The following MKX variants were observed in gnomAD, a reference collection of about 807,000 sequenced individuals.
MKX encodes mohawk homeobox, also known as homeobox protein Mohawk.
Under a neutral mutation model 36.0 loss-of-function variants are expected in MKX, and 13 were observed. The ratio of observed to expected loss-of-function variants is 0.36; its 90% CI spans 0.24 to 0.57. The LOEUF is 0.57. Among genes scored for constraint, MKX ranks in the 20% least tolerant of loss-of-function variants. The pLI is 0.79. For synonymous variants in MKX, 176 were observed against 178.3 expected (o/e 0.99, Z 0.10); for missense variants, 458 against 456.4 (o/e 1.00, Z -0.03).
chr10:27,698,091 G>A (rs1836586760), intron 5 of MKX, among the ~76,000 whole-genome samples: 1 of 152,166 alleles, frequency 6.6e-6, no homozygotes, highest in Admixed American at 6.5e-5. Flanking sequence ...GGAGAGGGAT[G>A]AGCTGTATGA....
At chr10:27,711,640 T>G (rs992841150) in intron 5 of MKX, among the ~76,000 whole-genome samples, 1 of 151,360 alleles carries the variant, frequency 6.6e-6, no homozygotes, top group East Asian at 1.9e-4. Context: ...CGCACAGTCA[T>G]AGCTTACTGC....
chr10:27,743,484 GC>G lies in MKX; in HGVS notation c.-70del, dbSNP rs1303366611. The G allele has an allele frequency of 7.0e-7, 1 of 1,424,422 alleles. No individual in the cohort carries two copies. Among genetic ancestry groups the G allele is most frequent in the African/African-American group, 1.5e-5 (1 of 65,612 alleles). 88.2% of individuals were successfully genotyped at this position (1,424,422 alleles called of 1,614,324 possible). The stretch of plus-strand genomic sequence containing the variant: ...GGGCTGGGCCGCCGGGAGCTCCGCA[GC>G]GGGGCTCGGCTTCTAGGAGAGGAAG... On this transcript the variant is annotated 5_prime_UTR_variant, in exon 2 of 7. Transcript: ENST00000419761.
In MKX at chr10:27,734,592, G is replaced by T. The variant is rs770122927; in HGVS notation, c.702C>A (p.Val234=). Residue 234 remains valine, a synonymous_variant, in exon 5 of 7, where the codon GTC becomes GTA. Transcript: ENST00000419761. ...CCATCATGGTAGTGTTCGTGGCCAT[G>T]ACATGTCTCAAAGAGTCATTAAGGT... ...NRYLNDSLRH[V]MATNTTMMGK... The T allele has an allele frequency of 8.7e-6, 14 of 1,614,054 alleles. No homozygotes were observed. The South Asian group carries it at 1.3e-4, about 15-fold the overall frequency.
chr10:27,725,615 C>T (rs1388118168), intron 5 of MKX, among the ~76,000 whole-genome samples: 2 of 151,170 alleles, frequency 1.3e-5, no homozygotes, highest in Non-Finnish European at 2.9e-5. Context: ...AGAAAAATAC[C>T]TTCTTAATTT....
chr10:27,722,148 T>TGACACACGACATAAGGCAAGCATTGCCA (rs1834393046), intron 5 of MKX, among the ~76,000 whole-genome samples: 2 of 152,196 alleles, frequency 1.3e-5, no homozygotes, highest in Admixed American at 1.3e-4. Context: ...CTCCTAAAAA[T>TGACACACGACATAAGGCAAGCATTGCCA]GACACACGAC....
intron 5 of MKX, among the ~76,000 whole-genome samples, chr10:27,679,092 C>T (rs1339914516): frequency 6.6e-6 from 1 of 151,794 alleles, no homozygotes; most frequent in African/African-American, 2.4e-5. Context: ...AGAAAAAAAT[C>T]ATCTTACATC....
At chr10:27,680,188 C>T (rs546042846) in intron 5 of MKX, among the ~76,000 whole-genome samples, 1 of 152,136 alleles carries the variant, frequency 6.6e-6, no homozygotes, top group Non-Finnish European at 1.5e-5. Context: ...TCGGCTATAT[C>T]TCTTACTCTG....
At chr10:27,689,938 T>C (rs1836423510) in intron 5 of MKX, among the ~76,000 whole-genome samples, 1 of 152,164 alleles carries the variant, frequency 6.6e-6, no homozygotes, top group South Asian at 2.1e-4. Context: ...ACCGGAAGCA[T>C]CTGATTATGT....
At chr10:27,727,724 C>T (rs1834522795) in intron 5 of MKX, among the ~76,000 whole-genome samples, 1 of 152,186 alleles carries the variant, frequency 6.6e-6, no homozygotes, top group Non-Finnish European at 1.5e-5. Context: ...GTCAGGAAGA[C>T]AAGGCTCTTT....
At chr10:27,708,590 G>C (rs914559969) in intron 5 of MKX, among the ~76,000 whole-genome samples, 1 of 152,046 alleles carries the variant, frequency 6.6e-6, no homozygotes, top group Non-Finnish European at 1.5e-5. Flanking sequence ...TTAGCTGAGC[G>C]TGGTGGCGTG....
chr10:27,734,323 T>C, intron 5 of MKX, 133 bp downstream of exon 5: 3 of 806,778 alleles, frequency 3.7e-6, no homozygotes, highest in Non-Finnish European at 5.6e-6. Flanking sequence ...AAACGAAAGC[T>C]TTAAAACTGA....
chr10:27,712,843 G>T (rs72629776), intron 5 of MKX, among the ~76,000 whole-genome samples: 11,078 of 152,140 alleles, frequency 0.073, 986 homozygotes, highest in East Asian at 0.2. Context: ...AAGCTGAGGT[G>T]GGGGGACGGC....
chr10:27,743,794 T>C (rs1006289422), intron 1 of MKX, among the ~76,000 whole-genome samples: 1 of 151,828 alleles, frequency 6.6e-6, no homozygotes, highest in Non-Finnish European at 1.5e-5. Context: ...GGAAACGAAT[T>C]CCCAAACGAG....
At chr10:27,677,137 C>A (rs1836167231) in intron 5 of MKX, among the ~76,000 whole-genome samples, 1 of 152,158 alleles carries the variant, frequency 6.6e-6, no homozygotes, top group African/African-American at 2.4e-5. Context: ...CCCTCTTCAT[C>A]ATCATCGTCA....
chr10:27,696,246 T>A, intron 5 of MKX, among the ~76,000 whole-genome samples: 1 of 152,176 alleles, frequency 6.6e-6, no homozygotes, highest in Non-Finnish European at 1.5e-5. Flanking sequence ...CTGAGTCTTA[T>A]TTTTTCTGCT....
chr10:27,697,440 A>G (rs995543524), intron 5 of MKX, among the ~76,000 whole-genome samples: 1 of 152,206 alleles, frequency 6.6e-6, no homozygotes, highest in Non-Finnish European at 1.5e-5. Context: ...CAAGTCATAA[A>G]CCTGCAATTT....
rs1307010343 is a variant in MKX at position 27,727,430 on chromosome 10, T to C, written c.838+7026A>G. ...CAGTTCTTCACAATGGGTGAAACCC[T>C]GGTACAATTGCATTTGAATTTTTGC... is the stretch of plus-strand genomic sequence containing the variant. On this transcript the variant is annotated intron_variant, in intron 5 of 6. Coordinates refer to ENST00000419761, the MANE Select transcript of MKX (RefSeq NM_173576.3). Among the ~76,000 whole-genome samples the C allele has an allele frequency of 2.0e-5, 3 of 152,358 alleles. No homozygotes were observed. In the East Asian group the frequency reaches 5.8e-4, roughly 29 times the overall value.
chr10:27,734,835 T>C, intron 4 of MKX, 44 bp from the exon 5 acceptor site: 1 of 1,289,308 alleles, frequency 7.8e-7, no homozygotes. Context: ...ATGCATACTT[T>C]CCCCCAGCCA....
chr10:27,713,452 AT>A (rs777910778), intron 5 of MKX, among the ~76,000 whole-genome samples: 13 of 152,144 alleles, frequency 8.5e-5, no homozygotes, highest in Non-Finnish European at 1.6e-4. Context: ...TCCGTAAATG[AT>A]TTTTTTATTT....
Sources: allele counts gnomAD v4.1 joint callset (sites outside exome capture counted in the v4.1 genomes callset), GRCh38; gene constraint gnomAD v4.1.1; transcripts MANE v1.5; gene names NCBI Gene and HGNC (gene_info 2026-07-23, HGNC 2026-07-21).